Variants in CT55 observed in about 807,000 individuals in gnomAD.
CT55 encodes BRCA2-interacting protein.
In CT55, 1 loss-of-function variant was observed where a neutral mutation model predicts 12.6. The observed-to-expected ratio is 0.08, with a 90% CI of 0.03 to 0.38. The LOEUF is 0.38. Among genes scored for constraint, CT55 ranks in the 10% least tolerant of loss-of-function variants. CT55 has a pLI of 0.99. For synonymous variants in CT55, 43 were observed against 49.7 expected (o/e 0.87, Z 0.57); for missense variants, 109 against 135.4 (o/e 0.80, Z 0.97).
At chrX:135,161,878 C>T (rs1225517655) in intron 2 of CT55, among the ~76,000 whole-genome samples, 3 of 112,657 alleles carry the variant, frequency 2.7e-5, no homozygotes, top group African/African-American at 9.7e-5. Context: ...CTCCCATCCA[C>T]ATATCTATCA....
At chrX:135,167,744 A>G (rs1165627367) in intron 2 of CT55, among the ~76,000 whole-genome samples, 1 of 110,812 alleles carries the variant, frequency 9.0e-6, no homozygotes, top group Non-Finnish European at 1.9e-5. Flanking sequence ...CAACAACACA[A>G]TAGCAAGAAA....
intron 2 of CT55, among the ~76,000 whole-genome samples, chrX:135,168,799 G>A (rs1345307194): frequency 8.9e-6 from 1 of 111,824 alleles, no homozygotes; most frequent in Non-Finnish European, 1.9e-5. Context: ...GGTATCAGAC[G>A]AAATACTACA....
At chrX:135,164,179 T>C (rs1429714550) in intron 2 of CT55, among the ~76,000 whole-genome samples, 1 of 112,353 alleles carries the variant, frequency 8.9e-6, no homozygotes, top group Admixed American at 9.4e-5. Flanking sequence ...AGATCACTTA[T>C]ATCTTTCATG....
chrX:135,160,348 C>T, intron 3 of CT55, 63 bp downstream of exon 3: 2 of 1,090,523 alleles, frequency 1.8e-6, no homozygotes, highest in South Asian at 2.2e-5. Context: ...AAAGTTGTTC[C>T]AGGACTAAAA....
At chrX:135,162,866 A>G (rs1344456124) in intron 2 of CT55, among the ~76,000 whole-genome samples, 1 of 111,563 alleles carries the variant, frequency 9.0e-6, no homozygotes, top group East Asian at 2.8e-4. Context: ...TTATGCTCAG[A>G]ATAATCTACA....
chrX:135,170,298 C>A (rs782667745), intron 1 of CT55, among the ~76,000 whole-genome samples: 2 of 112,606 alleles, frequency 1.8e-5, no homozygotes, highest in South Asian at 7.3e-4. Flanking sequence ...TGAGCCACCG[C>A]GCCCAGCTTA....
At chrX:135,160,678 G>A in intron 2 of CT55, 123 bp from the exon 3 acceptor site, 1 of 784,038 alleles carries the variant, frequency 1.3e-6, no homozygotes, top group Non-Finnish European at 1.7e-6. Context: ...GGAGAATATA[G>A]TTCACTTGGT....
At chrX:135,169,028 G>C (rs1556406394) in intron 2 of CT55, among the ~76,000 whole-genome samples, 2 of 112,254 alleles carry the variant, frequency 1.8e-5, no homozygotes. Flanking sequence ...TATATGGGCA[G>C]ATGGGCAGTC....
intron 2 of CT55, among the ~76,000 whole-genome samples, chrX:135,166,201 A>G (rs4576582): frequency 5.1e-4 from 57 of 111,187 alleles, no homozygotes; most frequent in African/African-American, 1.7e-3. Flanking sequence ...CAGTTGCAAA[A>G]TCTTTAACAA....
Position 135,160,528 on chromosome X carries a change from C to T in CT55, c.307G>A (p.Gly103Ser). Residue 103 changes from glycine to serine, a missense_variant, in exon 3 of 6, where the codon GGT (glycine) becomes AGT (serine). Coordinates refer to ENST00000276241, the MANE Select transcript of CT55 (RefSeq NM_001031705.3). ...GTTCCTGAGTCTGAGGGTCCAGCACCATAAAGATGGCGAGGCACAACATCC... is the reference window on the plus strand; with the variant it reads ...GTTCCTGAGTCTGAGGGTCCAGCACTATAAAGATGGCGAGGCACAACATCC... ...KVDVVPRHLY[G>S]AGPSDSGTRV... 8.4e-7 allele frequency: 1 copy of T among 1,192,564 alleles called. No individual in the cohort carries two copies. The highest frequency in any genetic ancestry group is 1.1e-6 in the Non-Finnish European group (1 of 890,008).
chrX:135,161,307 T>A (rs1275940143), intron 2 of CT55, among the ~76,000 whole-genome samples: 2 of 111,586 alleles, frequency 1.8e-5, no homozygotes, highest in African/African-American at 6.5e-5. Context: ...ATACTAAAAG[T>A]AGGAAAGAAA....
chrX:135,161,221 AC>A (rs782427316), intron 2 of CT55, among the ~76,000 whole-genome samples: 2 of 111,579 alleles, frequency 1.8e-5, no homozygotes, highest in African/African-American at 6.5e-5. Flanking sequence ...AGGCATACAA[AC>A]CTTTTCCCTT....
intron 3 of CT55, among the ~76,000 whole-genome samples, chrX:135,159,721 C>G (rs2083554200): frequency 9.0e-6 from 1 of 111,661 alleles, no homozygotes; most frequent in Non-Finnish European, 1.9e-5. Flanking sequence ...ACAGAGTCAG[C>G]ATCGTCAAAC....
At chrX:135,166,679 C>T (rs142345924) in intron 2 of CT55, among the ~76,000 whole-genome samples, 1,538 of 111,444 alleles carry the variant, frequency 0.014, 8 homozygotes, top group African/African-American at 0.018. Context: ...TGTTTGCAGA[C>T]GGGAAGCTGT....
At chrX:135,161,342 A>G (rs1284815303) in intron 2 of CT55, among the ~76,000 whole-genome samples, 2 of 111,992 alleles carry the variant, frequency 1.8e-5, no homozygotes, top group African/African-American at 6.5e-5. Context: ...AGCAAAAAGC[A>G]GTTACCCCAC....
At position 135,169,624 on chromosome X, in the gene CT55, A is replaced by T; in HGVS notation, c.249T>A (p.Asp83Glu). Reference protein sequence around the residue: ...GQKVNVVVEEDKPHYGLRAIK... With the variant: ...GQKVNVVVEEEKPHYGLRAIK... Reference sequence around the variant, plus strand: ...TTGCTCTCAATCCATAATGTGGTTTATCTTCTTCCACAACCACATTAACTT... The same window carrying T: ...TTGCTCTCAATCCATAATGTGGTTTTTCTTCTTCCACAACCACATTAACTT... Residue 83 changes from aspartate (D) to glutamate (E), a missense_variant, in exon 2 of 6, where the codon GAT (aspartate) becomes GAA (glutamate). Coordinates refer to ENST00000276241, the MANE Select transcript of CT55 (RefSeq NM_001031705.3). The T allele has an allele frequency of 8.3e-7, 1 of 1,209,177 alleles. No homozygotes were observed. Among genetic ancestry groups the T allele is most frequent in the Non-Finnish European group, 1.1e-6 (1 of 894,088 alleles).
chrX:135,168,930 C>A (rs1480269070), intron 2 of CT55, among the ~76,000 whole-genome samples: 1 of 112,150 alleles, frequency 8.9e-6, no homozygotes, highest in Non-Finnish European at 1.9e-5. Context: ...CTCATGAAGA[C>A]CCTTAATAAT....
At chrX:135,162,233 A>T (rs1447735746) in intron 2 of CT55, among the ~76,000 whole-genome samples, 1 of 112,740 alleles carries the variant, frequency 8.9e-6, no homozygotes, top group Non-Finnish European at 1.9e-5. Context: ...GGCTGGCTGT[A>T]TGTTTAGATA....
At chrX:135,170,011 A>AT (rs1556406561) in intron 1 of CT55, among the ~76,000 whole-genome samples, 2 of 111,328 alleles carry the variant, frequency 1.8e-5, no homozygotes, top group African/African-American at 6.5e-5. Context: ...ATTTTTAATT[A>AT]TTTTTTAATT....
Sources: gnomAD v4.1 joint callset for allele counts (sites outside exome capture counted in the v4.1 genomes callset) on GRCh38, gnomAD v4.1.1 for gene constraint, MANE v1.5 for transcripts, NCBI Gene and HGNC (gene_info 2026-07-23, HGNC 2026-07-21) for gene names.